RYR1: variants seen among roughly 807,000 people sequenced by gnomAD.
RYR1 encodes ryanodine receptor 1, also known as central core disease of muscle.
In RYR1, 342 loss-of-function variants were observed where a neutral mutation model predicts 583.5. The ratio of observed to expected loss-of-function variants is 0.59; its 90% confidence interval spans 0.54 to 0.64. The LOEUF is 0.64. Among genes scored for constraint, RYR1 ranks in the 30% least tolerant of loss-of-function variants. The pLI is 0.00. For missense variants in RYR1, 6,032 were observed against 6,917.2 expected (o/e 0.87, Z 4.54); for synonymous variants, 2,791 against 2,822.5 (o/e 0.99, Z 0.35).
Position 38,537,955 on chromosome 19 carries a change from A to G in RYR1, c.11684A>G (p.Asn3895Ser). The G allele has an allele frequency of 6.3e-7, 1 of 1,591,520 alleles. No individual in the cohort carries two copies. Among genetic ancestry groups the G allele is most frequent in the Non-Finnish European group, 8.6e-7 (1 of 1,164,506 alleles). Reference sequence around the variant, plus strand: ...CTACAATTGCTCTGTGAGGGGCACAATAATGGTGAGGAGGAGGGGTGTGGG... The same window carrying G: ...CTACAATTGCTCTGTGAGGGGCACAGTAATGGTGAGGAGGAGGGGTGTGGG... Reference protein sequence around the residue: ...RFLQLLCEGHNNDFQNYLRTQ... With the variant: ...RFLQLLCEGHSNDFQNYLRTQ... Residue 3895 changes from asparagine to serine, a missense_variant, in exon 84 of 106, where the codon AAT (asparagine) becomes AGT (serine). Transcript: ENST00000359596.
intron 93 of RYR1, among the ~76,000 whole-genome samples, chr19:38,569,450 G>A (rs1599644384): frequency 1.3e-5 from 2 of 152,088 alleles, no homozygotes; most frequent in East Asian, 1.9e-4. Flanking sequence ...AGCTGTTCAG[G>A]AGGCTGAGGC....
intron 101 of RYR1, among the ~76,000 whole-genome samples, chr19:38,583,297 CAAA>C (rs1195725551): frequency 8.9e-5 from 6 of 67,526 alleles, no homozygotes; most frequent in Non-Finnish European, 6.4e-5. Flanking sequence ...AACTCCATCT[CAAA>C]AAAAAAAAAA....
At chr19:38,504,727 T>C (rs895325185) in intron 50 of RYR1, 21 bp from the exon 51 acceptor site, 19 of 1,613,778 alleles carry the variant, frequency 1.2e-5, no homozygotes, top group Non-Finnish European at 1.6e-5. Context: ...CTCCTACCCC[T>C]GCTTCACCCG....
intron 67 of RYR1, among the ~76,000 whole-genome samples, chr19:38,522,800 A>AT (rs1971278090): frequency 6.6e-6 from 1 of 151,370 alleles, no homozygotes; most frequent in Admixed American, 6.6e-5. Context: ...AAATACAAAA[A>AT]TTAGCCCGGT....
Position 38,519,464 on chromosome 19 carries a change from G to C in RYR1, c.10259+10G>C, listed in dbSNP as rs187018043. On this transcript the variant is annotated intron_variant, in intron 67 of 105. Transcript: ENST00000359596. ...ACGTGGACAACAACAGGTCAGCGGG[G>C]CCCCGCTGTCCCCATGCCCTCCGCC... The C allele has an allele frequency of 2.6e-5, 42 of 1,586,210 alleles. No individual in the cohort carries two copies. In the African/African-American group the frequency reaches 5.4e-4, roughly 20 times the overall value.
At position 38,512,086 on chromosome 19, in the gene RYR1, GCTGTGGTCAA is replaced by G; in HGVS notation, c.9192_9201del (p.Val3065PhefsTer13). The G allele has an allele frequency of 6.2e-7, 1 of 1,614,174 alleles. No homozygotes were observed. Among genetic ancestry groups the G allele is most frequent in the Non-Finnish European group, 8.5e-7 (1 of 1,180,026 alleles). On this transcript the variant is annotated frameshift_variant, in exon 62 of 106. Transcript: ENST00000359596. LOFTEE classifies it high-confidence loss of function. The surrounding 1 kb of genome is among the most constrained non-coding windows in gnomAD (Gnocchi z 5.1). ...TCCTCTCCCAGGGACAGACGCCCCA[GCTGTGGTCAA>G]CTGTCTTCACATCCTGGCCCGCTCC...
chr19:38,499,879 C>T lies in RYR1; in HGVS notation c.7215-29C>T, dbSNP rs1367131841. 1.2e-6 allele frequency: 2 copies of T among 1,606,192 alleles called. No individual in the cohort carries two copies. The highest frequency in any genetic ancestry group is 1.7e-6 in the Non-Finnish European group (2 of 1,173,456). Reference sequence around the variant, plus strand: ...ACCCGCCCTCCCTGGCCCCTGGCTGCCTCCCCAACCCACCCACCTTCCCTG... The same window carrying T: ...ACCCGCCCTCCCTGGCCCCTGGCTGTCTCCCCAACCCACCCACCTTCCCTG... On this transcript the variant is annotated intron_variant, in intron 44 of 105. Coordinates refer to ENST00000359596, the MANE Select transcript of RYR1 (RefSeq NM_000540.3). The surrounding 1 kb of genome is among the most constrained non-coding windows in gnomAD (Gnocchi z 7.3).
At chr19:38,526,877 C>T in intron 71 of RYR1, 116 bp from the exon 72 acceptor site, 1 of 1,102,574 alleles carries the variant, frequency 9.1e-7, no homozygotes. Context: ...GACCCCCACC[C>T]CCACCCCAGA....
chr19:38,569,057 T>G (rs2907613), intron 93 of RYR1, among the ~76,000 whole-genome samples: 1 of 151,450 alleles, frequency 6.6e-6, no homozygotes, highest in East Asian at 2.0e-4. Context: ...GTTGCCCAGG[T>G]TGGAGTGCAG....
At chr19:38,443,271 C>T (rs1972781375) in intron 3 of RYR1, among the ~76,000 whole-genome samples, 1 of 152,136 alleles carries the variant, frequency 6.6e-6, no homozygotes, top group Non-Finnish European at 1.5e-5. Flanking sequence ...GTTCATTCTC[C>T]TGAGTGATTT....
At chr19:38,470,029 G>T (rs1439057789) in intron 27 of RYR1, among the ~76,000 whole-genome samples, 2 of 152,176 alleles carry the variant, frequency 1.3e-5, no homozygotes, top group Non-Finnish European at 2.9e-5. Flanking sequence ...AGCCAGATGT[G>T]GTGGCACATG....
rs2292797 is a variant in RYR1 at position 38,543,746 on chromosome 19, C to T, written c.11908-25C>T. 2.5e-6 allele frequency: 4 copies of T among 1,611,662 alleles called. No homozygotes were observed. Among genetic ancestry groups the T allele is most frequent in the African/African-American group, 2.7e-5 (2 of 75,048 alleles). ...ATCCCTTCTCGGGGATTCCCTTCCCCCCCACACGGCACTCTGCCTCCCAGG... is the reference window on the plus strand; with the variant it reads ...ATCCCTTCTCGGGGATTCCCTTCCCTCCCACACGGCACTCTGCCTCCCAGG... On this transcript the variant is annotated intron_variant, in intron 86 of 105. Coordinates refer to ENST00000359596, the MANE Select transcript of RYR1 (RefSeq NM_000540.3). This position sits in a 1 kb window ranked among gnomAD's most constrained non-coding sequence, Gnocchi z 4.4.
Position 38,469,047 on chromosome 19 carries a change from A to G in RYR1, c.3463A>G (p.Thr1155Ala), listed in dbSNP as rs183262321. 9 of 1,614,088 alleles carry G rather than the reference A, an allele frequency of 5.6e-6. No individual in the cohort carries two copies. In the African/African-American group the frequency reaches 1.1e-4, roughly 19 times the overall value. ...TGTCGTTGGCTGTATGATCGACCTCACAGAGAACACCATTATCTTCACCCT... is the reference window on the plus strand; with the variant it reads ...TGTCGTTGGCTGTATGATCGACCTCGCAGAGAACACCATTATCTTCACCCT... ...GDVVGCMIDL[T>A]ENTIIFTLNG... is the part of the protein sequence containing the mutation. The change falls in exon 26 of 106, where the codon ACA becomes GCA. Residue 1155 changes from threonine to alanine, a missense_variant. By Grantham distance (58) the Thr-to-Ala change is moderately conservative (BLOSUM62 0). This residue lies in a region of RYR1 where 2,627 missense variants were observed against 2,961.3 expected (regional missense o/e 0.89). Transcript: ENST00000359596.
At position 38,586,146 on chromosome 19, in the gene RYR1, G is replaced by A; in HGVS notation, c.14924G>A (p.Gly4975Asp). The A allele has an allele frequency of 6.2e-7, 1 of 1,614,100 alleles. No individual in the cohort carries two copies. The change falls in exon 104 of 106, where the codon GGC (glycine) becomes GAC (aspartate). Residue 4975 changes from glycine (G) to aspartate (D), a missense_variant. Physicochemically the swap from Gly to Asp is moderately conservative, Grantham distance 94. Around this residue, in one of 11 missense-constraint regions of RYR1, gnomAD observed 189 missense variants for 350.3 expected, o/e 0.54. Transcript: ENST00000359596. ...GACTACTTTGATACGACACCGCATG[G>A]CTTCGAGACTCACACGCTGGAGGAG... Reference protein sequence around the residue: ...GSDYFDTTPHGFETHTLEEHN... With the variant: ...GSDYFDTTPHDFETHTLEEHN...
intron 84 of RYR1, among the ~76,000 whole-genome samples, chr19:38,541,885 C>T (rs73032630): frequency 0.063 from 9,584 of 151,602 alleles, 428 homozygotes; most frequent in Non-Finnish European, 0.097. Context: ...GAGTTCGAGA[C>T]CAGCCTGGGC....
chr19:38,512,302 G>C lies in RYR1; in HGVS notation c.9291G>C (p.Glu3097Asp). The change falls in exon 63 of 106, where the codon GAG becomes GAC. Residue 3097 changes from glutamate to aspartate, a missense_variant. This residue lies in a region of RYR1 where 1,493 missense variants were observed against 1,715.5 expected (regional missense o/e 0.87). Coordinates refer to ENST00000359596, the MANE Select transcript of RYR1 (RefSeq NM_000540.3). This position sits in a 1 kb window ranked among gnomAD's most constrained non-coding sequence, Gnocchi z 5.1. ...AGGCTGGCCTCCGCTCCTTCTTCGAGAGTGCCTCGGAGGACATCGAGAAGA... is the reference window on the plus strand; with the variant it reads ...AGGCTGGCCTCCGCTCCTTCTTCGACAGTGCCTCGGAGGACATCGAGAAGA... The part of the protein sequence containing the change: ...IVKAGLRSFF[E>D]SASEDIEKMV... 1.9e-6 allele frequency: 3 copies of C among 1,614,262 alleles called. No homozygotes were observed. The highest frequency in any genetic ancestry group is 2.5e-6 in the Non-Finnish European group (3 of 1,180,058).
chr19:38,506,471 G>A lies in RYR1; in HGVS notation c.8617G>A (p.Ala2873Thr), dbSNP rs773973615. The change falls in exon 56 of 106, where the codon GCC becomes ACC. Residue 2873 changes from alanine (A) to threonine (T), a missense_variant and splice_region_variant. Ala to Thr is a moderately conservative substitution (Grantham distance 58). Around this residue, in one of 11 missense-constraint regions of RYR1, gnomAD observed 1,493 missense variants for 1,715.5 expected, o/e 0.87. Transcript: ENST00000359596. ...CCCTTGACTCTGCATCCACTCCCAG[G>A]CCATGGCAGAACAACTGGCAGAAAA... Reference protein sequence around the residue: ...SAVTLSRELQAMAEQLAENYH... With the variant: ...SAVTLSRELQTMAEQLAENYH... 6.2e-7 allele frequency: 1 copy of A among 1,614,054 alleles called. No individual in the cohort carries two copies.
chr19:38,494,237 A>G (rs1969694460), intron 38 of RYR1, 115 bp from the exon 39 acceptor site: 1 of 1,199,116 alleles, frequency 8.3e-7, no homozygotes, highest in Non-Finnish European at 1.2e-6. Flanking sequence ...CGCAGGTGGT[A>G]GTAACTGGGA....
At chr19:38,578,410 G>A (rs1331285588) in intron 99 of RYR1, among the ~76,000 whole-genome samples, 1 of 152,132 alleles carries the variant, frequency 6.6e-6, no homozygotes, top group Non-Finnish European at 1.5e-5. Flanking sequence ...TAAATAGCTG[G>A]GATTGGGTGT....
Sources: allele counts gnomAD v4.1 joint callset (sites outside exome capture counted in the v4.1 genomes callset), GRCh38; gene constraint gnomAD v4.1.1; regional missense constraint gnomAD v4.1.1; non-coding constraint Gnocchi (gnomAD v3.1); transcripts MANE v1.5; gene names NCBI Gene and HGNC (gene_info 2026-07-23, HGNC 2026-07-21).